Variants in CDH11 observed in about 807,000 individuals in gnomAD.
The protein encoded by CDH11 is cadherin-11.
In CDH11, 11 loss-of-function variants were observed where a neutral mutation model predicts 67.8. The ratio of observed to expected loss-of-function variants is 0.16; its 90% confidence interval spans 0.10 to 0.27. The LOEUF (loss-of-function observed/expected upper bound fraction) is 0.27. Ranked by LOEUF, CDH11 falls within the 10% of genes least tolerant of loss-of-function variation. The pLI is 1.00. For missense variants in CDH11, 847 were observed against 1,031.2 expected, an observed-to-expected ratio of 0.82 and a Z score of 2.45; for synonymous variants, 419 against 400.0, an observed-to-expected ratio of 1.05 and a Z score of -0.57.
intron 8 of CDH11, among the ~76,000 whole-genome samples, chr16:64,973,566 G>A (rs2072073161): frequency 6.6e-6 from 1 of 152,136 alleles, no homozygotes; most frequent in South Asian, 2.1e-4. Flanking sequence ...AGCACTTTGG[G>A]AGGCCAAGGC....
chr16:65,010,486 C>T (rs763455959), intron 2 of CDH11, among the ~76,000 whole-genome samples: 2 of 151,980 alleles, frequency 1.3e-5, no homozygotes, highest in Non-Finnish European at 2.9e-5. Flanking sequence ...AATTCTTCTC[C>T]CCTGATTTCT....
intron 1 of CDH11, among the ~76,000 whole-genome samples, chr16:65,099,770 G>A (rs2074959938): frequency 6.6e-6 from 1 of 152,120 alleles, no homozygotes; most frequent in Admixed American, 6.5e-5. Context: ...ACGACTCCAT[G>A]AGGGCAAGTC....
intron 1 of CDH11, among the ~76,000 whole-genome samples, chr16:65,056,710 G>A (rs151106085): frequency 3.7e-4 from 56 of 152,280 alleles, no homozygotes; most frequent in Non-Finnish European, 6.6e-4. Flanking sequence ...CAGCAGTGCT[G>A]ACCTCATAGC....
chr16:65,071,614 G>C (rs1412346515), intron 1 of CDH11, among the ~76,000 whole-genome samples: 1 of 152,094 alleles, frequency 6.6e-6, no homozygotes, highest in Non-Finnish European at 1.5e-5. Context: ...CCCCAAGCGC[G>C]TGTCCCCAGA....
Position 65,037,028 on chromosome 16 carries a change from T to C in CDH11, c.-173+16776A>G, listed in dbSNP as rs116186443. On this transcript the variant is annotated intron_variant, in intron 2 of 12. Coordinates refer to ENST00000268603, the MANE Select transcript of CDH11 (RefSeq NM_001797.4). ...CTAGCCTAAGGTTTCTGTCATTCAG[T>C]GAGAGAGAGGAGACATTCAAGGGGG... Among the ~76,000 whole-genome samples the C allele has an allele frequency of 5.6e-3, 858 of 152,040 alleles. 11 individuals are homozygous for C. The highest frequency in any genetic ancestry group is 0.019 in the African/African-American group (794 of 41,452).
chr16:65,069,283 C>T (rs757016855), intron 1 of CDH11, among the ~76,000 whole-genome samples: 2 of 152,124 alleles, frequency 1.3e-5, no homozygotes, highest in Non-Finnish European at 2.9e-5. Context: ...CGTCAAATCT[C>T]GACTCCAATT....
At chr16:65,061,607 T>C (rs567217758) in intron 1 of CDH11, among the ~76,000 whole-genome samples, 54 of 152,352 alleles carry the variant, frequency 3.5e-4, no homozygotes, top group African/African-American at 1.1e-3. Context: ...TGCCTGTGTT[T>C]GTGCAAGTAT....
At chr16:65,029,515 TG>T (rs1183186021) in intron 2 of CDH11, among the ~76,000 whole-genome samples, 3 of 152,212 alleles carry the variant, frequency 2.0e-5, no homozygotes, top group Non-Finnish European at 4.4e-5. Context: ...AAAGATGTGA[TG>T]TTTTCCCCCC....
chr16:64,967,670 A>T lies in CDH11; in HGVS notation c.1642+3909T>A, dbSNP rs180887801. On this transcript the variant is annotated intron_variant, in intron 11 of 12. Transcript: ENST00000268603. ...ATTAAGTGGGAAAATTAGTGGACAT[A>T]TATTTCACAGTTGCTTTTCTTTTTT... Among the ~76,000 whole-genome samples the T allele has an allele frequency of 6.5e-3, 991 of 152,244 alleles. 9 individuals carry two copies. The highest frequency in any genetic ancestry group is 6.9e-3 in the Non-Finnish European group (471 of 68,030).
intron 11 of CDH11, among the ~76,000 whole-genome samples, chr16:64,962,525 A>C (rs142535888): frequency 1.3e-5 from 2 of 152,140 alleles, no homozygotes; most frequent in Admixed American, 6.5e-5. Context: ...CAGTGTGGAG[A>C]AGTTAAAATC....
intron 4 of CDH11, among the ~76,000 whole-genome samples, chr16:64,993,567 C>A (rs1386800438): frequency 6.6e-6 from 1 of 152,102 alleles, no homozygotes; most frequent in East Asian, 1.9e-4. Flanking sequence ...AAATACTGAG[C>A]AGAATGCTGT....
chr16:65,073,886 A>G (rs2074462389), intron 1 of CDH11, among the ~76,000 whole-genome samples: 1 of 152,182 alleles, frequency 6.6e-6, no homozygotes, highest in African/African-American at 2.4e-5. Flanking sequence ...AGGAGAAGCA[A>G]GGCCTTGCAG....
chr16:64,948,166 G>A, intron 12 of CDH11, 67 bp from the exon 13 acceptor site: 1 of 1,549,510 alleles, frequency 6.5e-7, no homozygotes, highest in African/African-American at 1.4e-5. Context: ...TCTGCCAGAG[G>A]AACTCTGATT....
At chr16:65,053,365 CA>C (rs2074090004) in intron 2 of CDH11, among the ~76,000 whole-genome samples, 1 of 152,160 alleles carries the variant, frequency 6.6e-6, no homozygotes, top group African/African-American at 2.4e-5. Flanking sequence ...GATCGAGGGC[CA>C]TGTCATTTGA....
rs1203294163 is a variant in CDH11 at position 64,948,128 on chromosome 16, T to C, written c.1895-29A>G. On this transcript the variant is annotated intron_variant, in intron 12 of 12. Transcript: ENST00000268603. ...GAGGGAAAGAAAAAGAAGGTAAGCA[T>C]TCGTTAAGTCCAGTATTCCTGGGTT... 4.4e-6 allele frequency: 7 copies of C among 1,596,190 alleles called. No homozygotes were observed. The Admixed American group carries it at 1.2e-4, about 27-fold the overall frequency.
intron 12 of CDH11, among the ~76,000 whole-genome samples, chr16:64,949,652 C>A (rs1194426168): frequency 2.0e-5 from 3 of 152,034 alleles, no homozygotes; most frequent in Non-Finnish European, 4.4e-5. Flanking sequence ...TCTTGAACTC[C>A]CAACTTCAGG....
At position 64,945,925 on chromosome 16, in the gene CDH11, A is replaced by C; in HGVS notation, c.*1678T>G. The C allele has an allele frequency of 9.4e-7, 1 of 1,058,588 alleles. No individual in the cohort carries two copies. The highest frequency in any genetic ancestry group is 1.1e-6 in the Non-Finnish European group (1 of 875,072). 65.6% of individuals were successfully genotyped at this position (1,058,588 alleles called of 1,614,324 possible). ...AGGGGGAAAGAGGGAAAGCACTTGC[A>C]GTGTGACTTTATGTGGTCTTTCCCC... On this transcript the variant is annotated 3_prime_UTR_variant, in exon 13 of 13. Transcript: ENST00000268603.
In CDH11 at chr16:65,094,267, G is replaced by C. The variant is rs573297182; in HGVS notation, c.-298+27613C>G. Among the ~76,000 whole-genome samples the C allele has an allele frequency of 5.6e-4, 86 of 152,236 alleles. 1 individual carries two copies. The South Asian group carries it at 0.016, about 28-fold the overall frequency. On this transcript the variant is annotated intron_variant, in intron 1 of 12. Transcript: ENST00000268603. Reference sequence around the variant, plus strand: ...CTTTCCTAGCAAGCCAAAGCAACTGGAGAAACACCAATAGTTATAAAACTA... The same window carrying C: ...CTTTCCTAGCAAGCCAAAGCAACTGCAGAAACACCAATAGTTATAAAACTA...
At chr16:64,961,835 T>C (rs1218811674) in intron 11 of CDH11, among the ~76,000 whole-genome samples, 2 of 152,156 alleles carry the variant, frequency 1.3e-5, no homozygotes, top group Non-Finnish European at 2.9e-5. Flanking sequence ...CAAAAAATTG[T>C]AATAAAATTA....
Sources: allele counts gnomAD v4.1 joint callset (sites outside exome capture counted in the v4.1 genomes callset), GRCh38; gene constraint gnomAD v4.1.1; transcripts MANE v1.5; gene names NCBI Gene and HGNC (gene_info 2026-07-23, HGNC 2026-07-21).